Variants in ZFAT observed in about 807,000 individuals in gnomAD.
ZFAT encodes zinc finger protein ZFAT.
ZFAT carries 64 observed loss-of-function variants against 117.7 expected under a neutral mutation model. That is an observed-to-expected ratio of 0.54 (90% confidence interval 0.44 to 0.67). ZFAT has a LOEUF of 0.67. Among genes scored for constraint, ZFAT ranks in the 30% least tolerant of loss-of-function variants. ZFAT has a pLI of 0.00. For missense variants in ZFAT, 1,433 were observed against 1,584.5 expected (o/e 0.90, Z 1.62); for synonymous variants, 679 against 615.0 (o/e 1.10, Z -1.54).
chr8:134,664,275 AC>A (rs1219743518), intron 1 of ZFAT, among the ~76,000 whole-genome samples: 1 of 152,070 alleles, frequency 6.6e-6, no homozygotes. Context: ...GGCAAGCAGA[AC>A]CCGGATCTCC....
At chr8:134,657,476 T>G in intron 2 of ZFAT, 85 bp downstream of exon 2, 1 of 1,330,290 alleles carries the variant, frequency 7.5e-7, no homozygotes, top group South Asian at 1.6e-5. Flanking sequence ...ATGTGGATTT[T>G]CTAGGCTTCT....
chr8:134,538,579 C>G (rs1053081451), intron 11 of ZFAT, among the ~76,000 whole-genome samples: 1 of 152,098 alleles, frequency 6.6e-6, no homozygotes, highest in African/African-American at 2.4e-5. Flanking sequence ...GGGCAGATCA[C>G]TTAGGTCAGG....
intron 7 of ZFAT, chr8:134,597,861 C>G (rs1411970179): frequency 6.6e-6 from 1 of 152,218 alleles, no homozygotes; most frequent in African/African-American, 2.4e-5. Context: ...GAGAAGCAGG[C>G]TAGCATATCT....
chr8:134,776,293 A>T, the ZFAT span, among the ~76,000 whole-genome samples: 1 of 151,928 alleles, frequency 6.6e-6, no homozygotes, highest in African/African-American at 2.4e-5. Flanking sequence ...TTTCAAAGTC[A>T]CCCCTCCACC....
At position 134,637,576 on chromosome 8, in the gene ZFAT, C is replaced by T. The variant is rs564774354; in HGVS notation, c.333G>A (p.Leu111=). The T allele has an allele frequency of 2.5e-6, 4 of 1,614,258 alleles. No homozygotes were observed. The highest frequency in any genetic ancestry group is 3.4e-6 in the Non-Finnish European group (4 of 1,180,040). ...SPLAPEEGNS[L]PPSSLECSKC... ...TGCTACACTCCAAGCTGCTTGGAGG[C>T]AGGCTGTTCCCTTCCTCCGGAGCCA... The change falls in exon 3 of 16, where the codon CTG becomes CTA. Residue 111 remains leucine, a synonymous_variant. Transcript: ENST00000377838.
At chr8:134,519,622 A>T (rs1427966051) in intron 13 of ZFAT, among the ~76,000 whole-genome samples, 1 of 152,170 alleles carries the variant, frequency 6.6e-6, no homozygotes, top group Non-Finnish European at 1.5e-5. Context: ...ATCCTATTAT[A>T]TGTATAGAGA....
intron 5 of ZFAT, among the ~76,000 whole-genome samples, chr8:134,606,541 C>T (rs763065265): frequency 6.6e-6 from 1 of 151,812 alleles, no homozygotes; most frequent in Non-Finnish European, 1.5e-5. Context: ...ATAGTGAAAC[C>T]CCAACTCTAC....
intron 11 of ZFAT, among the ~76,000 whole-genome samples, chr8:134,546,464 A>AG (rs1191681283): frequency 1.3e-5 from 2 of 152,100 alleles, no homozygotes; most frequent in African/African-American, 4.8e-5. Flanking sequence ...AGAAGTGTGT[A>AG]GCTGGGCTGG....
rs897062817 is a variant in ZFAT at position 134,512,418 on chromosome 8, T to C, written c.3361+57A>G. The stretch of plus-strand genomic sequence containing the variant: ...ATCATTCATCTGCAAACGCATTCAT[T>C]CAGCATGTCTAGGAAAGACAGTTCT... On this transcript the variant is annotated intron_variant, in intron 14 of 15. Transcript: ENST00000377838. 3 of 1,591,144 alleles carry C rather than the reference T, an allele frequency of 1.9e-6. No homozygotes were observed. The Admixed American group carries it at 5.2e-5, about 28-fold the overall frequency.
intron 3 of ZFAT, 120 bp downstream of exon 3, chr8:134,637,341 G>T: frequency 7.8e-7 from 1 of 1,287,144 alleles, no homozygotes; most frequent in Non-Finnish European, 1.1e-6. Flanking sequence ...TTTTCCAGAT[G>T]GGTGAGAGCT....
At chr8:134,517,307 C>A (rs987667181) in intron 13 of ZFAT, among the ~76,000 whole-genome samples, 1 of 151,588 alleles carries the variant, frequency 6.6e-6, no homozygotes, top group African/African-American at 2.4e-5. Flanking sequence ...TATATATAAT[C>A]AGAGTCAAAT....
intron 10 of ZFAT, among the ~76,000 whole-genome samples, chr8:134,571,042 C>T (rs148219838): frequency 1.1e-4 from 16 of 152,332 alleles, no homozygotes; most frequent in African/African-American, 3.1e-4. Flanking sequence ...TGTCCATTCA[C>T]TCAGCGAGCA....
chr8:134,545,939 C>T (rs919383560), intron 11 of ZFAT, among the ~76,000 whole-genome samples: 2 of 152,250 alleles, frequency 1.3e-5, no homozygotes, highest in Admixed American at 6.5e-5. Context: ...AAATGTATGA[C>T]CAAATGGGTA....
At chr8:134,684,098 C>G (rs1421837246) in intron 1 of ZFAT, among the ~76,000 whole-genome samples, 1 of 151,866 alleles carries the variant, frequency 6.6e-6, no homozygotes, top group Non-Finnish European at 1.5e-5. Flanking sequence ...GGAAACTGGT[C>G]TGAAAAAAAC....
chr8:134,792,956 G>T, the ZFAT span: 1 of 152,072 alleles, frequency 6.6e-6, no homozygotes, highest in Non-Finnish European at 1.5e-5. Flanking sequence ...TGTGAAAAAG[G>T]GAAGTGAAAA....
chr8:134,673,462 T>C (rs1020355267), intron 1 of ZFAT: 1 of 214,404 alleles, frequency 4.7e-6, no homozygotes, highest in African/African-American at 2.3e-5. Flanking sequence ...ACAGATAGGA[T>C]CCTTCTGAGA....
chr8:134,544,853 C>T (rs192282383), intron 11 of ZFAT, among the ~76,000 whole-genome samples: 13 of 152,274 alleles, frequency 8.5e-5, no homozygotes, highest in South Asian at 4.1e-4. Flanking sequence ...CTAATGCATG[C>T]GGCTGCAAAC....
At chr8:134,565,583 T>C in intron 10 of ZFAT, 162 bp from the exon 11 acceptor site, 1 of 745,194 alleles carries the variant, frequency 1.3e-6, no homozygotes, top group Non-Finnish European at 2.3e-6. Context: ...CAATGCAGCA[T>C]GCTCAGTCTT....
chr8:134,807,360 G>C, the ZFAT span, among the ~76,000 whole-genome samples: 1 of 152,052 alleles, frequency 6.6e-6, no homozygotes, highest in Non-Finnish European at 1.5e-5. Context: ...GTTTTACTGG[G>C]TTTATAAAAT....
Sources: allele counts gnomAD v4.1 joint callset (sites outside exome capture counted in the v4.1 genomes callset), GRCh38; gene constraint gnomAD v4.1.1; transcripts MANE v1.5; gene names NCBI Gene and HGNC (gene_info 2026-07-23, HGNC 2026-07-21).